Variants in TATDN1 observed in about 807,000 individuals in gnomAD.
TATDN1 encodes the protein TatD DNase domain containing 1.
Under a neutral mutation model 46.4 loss-of-function variants are expected in TATDN1, and 40 were observed. The ratio of observed to expected loss-of-function variants is 0.86; its 90% CI spans 0.67 to 1.12. The LOEUF is 1.12. TATDN1 is among the 50% of genes most tolerant of loss of function. The pLI is 0.00. For missense variants in TATDN1, 326 were observed against 348.4 expected (o/e 0.94, Z 0.51); for synonymous variants, 95 against 105.6 (o/e 0.90, Z 0.62).
chr8:124,525,916 T>C (rs1255760737), intron 1 of TATDN1, among the ~76,000 whole-genome samples: 3 of 152,204 alleles, frequency 2.0e-5, no homozygotes, highest in Non-Finnish European at 2.9e-5. Flanking sequence ...AACAAAAACC[T>C]TGGATCTGAG....
chr8:124,515,740 CCTTA>C lies in TATDN1; in HGVS notation c.389+2_389+5del. Reference sequence around the variant, plus strand: ...AATAATTTGTAAAGCCAACAAATTTCCTTACTTGAGTTGAGTATCTTTGGGACAA... The same window carrying C: ...AATAATTTGTAAAGCCAACAAATTTCCTTGAGTTGAGTATCTTTGGGACAA... On this transcript the variant is annotated splice_donor_variant and splice_donor_5th_base_variant and intron_variant, in intron 6 of 11. Coordinates refer to ENST00000276692, the MANE Select transcript of TATDN1 (RefSeq NM_032026.4). LOFTEE classifies it high-confidence loss of function. 5 of 1,612,098 alleles carry C rather than the reference CCTTA, an allele frequency of 3.1e-6. No homozygotes were observed. The highest frequency in any genetic ancestry group is 4.2e-6 in the Non-Finnish European group (5 of 1,179,032).
chr8:124,508,536 C>G (rs1207578233), intron 7 of TATDN1, 22 bp from the exon 8 acceptor site: 2 of 1,612,346 alleles, frequency 1.2e-6, no homozygotes, highest in East Asian at 2.2e-5. Context: ...AAACAAAGAA[C>G]TTTTAGCAAA....
chr8:124,503,683 G>T (rs551509560), intron 9 of TATDN1, among the ~76,000 whole-genome samples: 1 of 152,252 alleles, frequency 6.6e-6, no homozygotes, highest in South Asian at 2.1e-4. Context: ...AAAGTCACTG[G>T]TAGAAGCTCT....
intron 9 of TATDN1, among the ~76,000 whole-genome samples, chr8:124,499,225 G>A (rs1235560272): frequency 6.6e-6 from 1 of 152,028 alleles, no homozygotes; most frequent in Non-Finnish European, 1.5e-5. Flanking sequence ...GTAGCAATTA[G>A]TGCTCTCTAG....
chr8:124,495,317 C>A (rs187448880), intron 10 of TATDN1, 155 bp downstream of exon 10: 10,777 of 637,870 alleles, frequency 0.017, 119 homozygotes, highest in Middle Eastern at 0.036. Flanking sequence ...CCATTAATAA[C>A]CCCCAAAGAT....
At chr8:124,513,308 AT>A (rs1819189905) in intron 6 of TATDN1, among the ~76,000 whole-genome samples, 1 of 152,194 alleles carries the variant, frequency 6.6e-6, no homozygotes, top group African/African-American at 2.4e-5. Flanking sequence ...CTACTTTGTC[AT>A]TAGCTTATCC....
intron 8 of TATDN1, chr8:124,504,747 CTTT>C (rs758223628): frequency 1.2e-4 from 17 of 137,270 alleles, no homozygotes; most frequent in African/African-American, 2.7e-4. Context: ...TTAGAGGATA[CTTT>C]TTTTTTTTTT....
At chr8:124,522,608 G>A (rs1276226743) in intron 2 of TATDN1, among the ~76,000 whole-genome samples, 3 of 152,022 alleles carry the variant, frequency 2.0e-5, no homozygotes, top group Admixed American at 2.0e-4. Flanking sequence ...TAGTAGAGAT[G>A]GGGTTTCACC....
intron 1 of TATDN1, among the ~76,000 whole-genome samples, chr8:124,534,355 C>T (rs1157020022): frequency 1.3e-5 from 2 of 152,092 alleles, no homozygotes; most frequent in Non-Finnish European, 2.9e-5. Context: ...GTAAGTTTTA[C>T]TGGAACATAG....
At chr8:124,492,081 T>A (rs1817055814) in intron 11 of TATDN1, among the ~76,000 whole-genome samples, 1 of 152,200 alleles carries the variant, frequency 6.6e-6, no homozygotes, top group East Asian at 1.9e-4. Context: ...TTCAAGCGAT[T>A]CTCCTGCCTC....
At chr8:124,511,894 C>T (rs189130334) in intron 6 of TATDN1, among the ~76,000 whole-genome samples, 380 of 152,162 alleles carry the variant, frequency 2.5e-3, no homozygotes, top group Non-Finnish European at 4.0e-3. Context: ...CAGCAATCTC[C>T]CCATTTTAAA....
At chr8:124,499,248 C>G (rs1250350908) in intron 9 of TATDN1, among the ~76,000 whole-genome samples, 3 of 152,006 alleles carry the variant, frequency 2.0e-5, no homozygotes, top group Non-Finnish European at 4.4e-5. Context: ...AAACAAAATT[C>G]TTATTTTCAG....
chr8:124,532,956 T>C (rs1821094867), intron 1 of TATDN1, among the ~76,000 whole-genome samples: 1 of 152,176 alleles, frequency 6.6e-6, no homozygotes, highest in African/African-American at 2.4e-5. Context: ...TAATCTCTTA[T>C]TAAAGGCAAA....
intron 1 of TATDN1, among the ~76,000 whole-genome samples, chr8:124,533,654 T>G (rs549569748): frequency 6.6e-6 from 1 of 152,222 alleles, no homozygotes; most frequent in Non-Finnish European, 1.5e-5. Flanking sequence ...AGGAAAAAAG[T>G]CTGGTATTGG....
In TATDN1 at chr8:124,535,507, T is replaced by C. The variant is rs567283984; in HGVS notation, c.22+3518A>G. ...ACATTTTTGGAACAACAGGAAAAAT[T>C]TGAGTATGATTTTGGTACTAGTTAA... On this transcript the variant is annotated intron_variant, in intron 1 of 11. Coordinates refer to ENST00000276692, the MANE Select transcript of TATDN1 (RefSeq NM_032026.4). Among the ~76,000 whole-genome samples, 34 of 152,190 alleles carry C rather than the reference T, an allele frequency of 2.2e-4. No homozygotes were observed. In the South Asian group the frequency reaches 5.8e-3, roughly 26 times the overall value.
At position 124,509,565 on chromosome 8, in the gene TATDN1, T is replaced by C. The variant is rs369701506; in HGVS notation, c.390-877A>G. Among the ~76,000 whole-genome samples, 9 of 152,352 alleles carry C rather than the reference T, an allele frequency of 5.9e-5. No individual in the cohort carries two copies. In the East Asian group the frequency reaches 1.3e-3, roughly 23 times the overall value. ...GGATAACAGGTGGCTTATTATTTTC[T>C]TAAATGTGCTTACCTCTTCTAAGCA... On this transcript the variant is annotated intron_variant, in intron 6 of 11. Coordinates refer to ENST00000276692, the MANE Select transcript of TATDN1 (RefSeq NM_032026.4).
intron 1 of TATDN1, among the ~76,000 whole-genome samples, chr8:124,537,282 A>T (rs150531435): frequency 4.6e-5 from 7 of 152,340 alleles, no homozygotes; most frequent in African/African-American, 1.7e-4. Context: ...TTAATTATAA[A>T]TAATGTGGTA....
chr8:124,526,834 CAAAGGGACAGCAAATAAGGCACA>C (rs1360753285), intron 1 of TATDN1: 1 of 152,176 alleles, frequency 6.6e-6, no homozygotes, highest in Non-Finnish European at 1.5e-5. Flanking sequence ...TCTAGGAATA[CAAAGGGACAGCAAATAAGGCACA>C]ATTTGTTTTT....
chr8:124,528,180 TC>T (rs1820662652), intron 1 of TATDN1, among the ~76,000 whole-genome samples: 1 of 152,030 alleles, frequency 6.6e-6, no homozygotes, highest in South Asian at 2.1e-4. Flanking sequence ...TCTAACAGTG[TC>T]TTTTTTTTTT....
Sources: gnomAD v4.1 joint callset for allele counts (sites outside exome capture counted in the v4.1 genomes callset) on GRCh38, gnomAD v4.1.1 for gene constraint, MANE v1.5 for transcripts, NCBI Gene and HGNC (gene_info 2026-07-23, HGNC 2026-07-21) for gene names.